The following ZP3 variants were observed in gnomAD, a reference collection of about 807,000 sequenced individuals.
ZP3 encodes the protein zona pellucida glycoprotein 3, also known as zona pellucida sperm-binding protein 3.
In ZP3, 21 loss-of-function variants were observed where a neutral mutation model predicts 35.6. That is an observed-to-expected ratio of 0.59 (90% CI 0.42 to 0.85). The LOEUF is 0.85. ZP3 is among the 40% of genes least tolerant of loss of function. ZP3 has a pLI of 0.00. For synonymous variants in ZP3, 207 were observed against 214.5 expected (o/e 0.96, Z 0.31); for missense variants, 437 against 536.5 (o/e 0.81, Z 1.83).
At chr7:76,404,116 C>T (rs1346260912) in intron 1 of ZP3, among the ~76,000 whole-genome samples, 3 of 152,150 alleles carry the variant, frequency 2.0e-5, no homozygotes, top group Admixed American at 1.3e-4. Context: ...TTACCTGTCA[C>T]CTCCAGTACT....
In ZP3 at chr7:76,440,495, C is replaced by G; in HGVS notation, c.944C>G (p.Ser315Trp). Reference protein sequence around the residue: ...PSNSWFPVEGSADICQCCNKG... With the variant: ...PSNSWFPVEGWADICQCCNKG... ...CTCAGCTGGTTCCCAGTGGAAGGCT[C>G]GGCTGACATCTGTCAATGCTGTAAC... The change falls in exon 7 of 8, where the codon TCG becomes TGG. Residue 315 changes from serine (S) to tryptophan (W), a missense_variant. Ser to Trp is a radical substitution (Grantham distance 177). Around this residue, in one of 6 missense-constraint regions of ZP3, gnomAD observed 41 missense variants for 50.2 expected, o/e 0.82. Coordinates refer to ENST00000394857, the MANE Select transcript of ZP3 (RefSeq NM_001110354.2). 6.2e-7 allele frequency: 1 copy of G among 1,613,762 alleles called. No individual in the cohort carries two copies. The highest frequency in any genetic ancestry group is 8.5e-7 in the Non-Finnish European group (1 of 1,179,944).
At chr7:76,437,334 C>G (rs1346953320) in intron 5 of ZP3, among the ~76,000 whole-genome samples, 1 of 152,184 alleles carries the variant, frequency 6.6e-6, no homozygotes. Context: ...AATCACCACG[C>G]CTGGCTAATT....
intron 1 of ZP3, among the ~76,000 whole-genome samples, chr7:76,415,314 C>T (rs1301751553): frequency 1.5e-5 from 2 of 133,244 alleles, no homozygotes; most frequent in Non-Finnish European, 3.1e-5. Flanking sequence ...TTCAGTGAGC[C>T]GAGATCGCGC....
At chr7:76,421,790 C>A (rs867612535), upstream of ZP3, among the ~76,000 whole-genome samples, 1 of 151,902 alleles carries the variant, frequency 6.6e-6, no homozygotes, top group Non-Finnish European at 1.5e-5. Context: ...TCTTCCTCCT[C>A]TCTTGCAGGA....
At chr7:76,440,021 ATTT>A (rs1470800540) in intron 5 of ZP3, 1 of 515,628 alleles carries the variant, frequency 1.9e-6, no homozygotes, top group Admixed American at 3.3e-5. Context: ...CTAACTTTGT[ATTT>A]TTAGTAGCGA....
chr7:76,441,048 G>A (rs1236291752), intron 7 of ZP3, among the ~76,000 whole-genome samples: 5 of 150,992 alleles, frequency 3.3e-5, no homozygotes, highest in East Asian at 2.0e-4. Flanking sequence ...GTACATGCCT[G>A]TAATCCCAGC....
At position 76,400,362 on chromosome 7, in the gene ZP3, C is replaced by T. The variant is rs149419007; in HGVS notation, c.-67+2565C>T. 9.6e-5 allele frequency: 152 copies of T among 1,582,226 alleles called. 1 individual carries two copies. The African/African-American group carries it at 1.4e-3, about 14-fold the overall frequency. On this transcript the variant is annotated intron_variant, in intron 1 of 8. Coordinates refer to the ZP3 transcript ENST00000336517. ...AGCCGCGGCTGCCGCACTCGCTCAG[C>T]GCAGCTTCCTGCCCGCGGCACTCCA...
chr7:76,412,011 A>T (rs889638731), intron 1 of ZP3, among the ~76,000 whole-genome samples: 1 of 151,922 alleles, frequency 6.6e-6, no homozygotes, highest in Non-Finnish European at 1.5e-5. Context: ...TGGGAAACAC[A>T]GTGAGACTCC....
intron 1 of ZP3, among the ~76,000 whole-genome samples, chr7:76,426,561 G>T (rs144923043): frequency 0.012 from 1,890 of 152,232 alleles, 41 homozygotes; most frequent in African/African-American, 0.044. Flanking sequence ...GGAGGCCAGA[G>T]AGCTGCAGGA....
intron 1 of ZP3, among the ~76,000 whole-genome samples, chr7:76,399,604 G>A (rs1232099830): frequency 6.6e-6 from 1 of 151,274 alleles, no homozygotes; most frequent in Non-Finnish European, 1.5e-5. Flanking sequence ...TCACAATCAC[G>A]GCTCACTGCA....
At chr7:76,422,116 C>T (rs989538250), upstream of ZP3, among the ~76,000 whole-genome samples, 2 of 151,964 alleles carry the variant, frequency 1.3e-5, no homozygotes, top group African/African-American at 2.4e-5. Context: ...AGGCTGGTCT[C>T]GATCTCCTGA....
At chr7:76,428,242 A>C (rs1805727657) in intron 1 of ZP3, among the ~76,000 whole-genome samples, 1 of 151,784 alleles carries the variant, frequency 6.6e-6, no homozygotes, top group South Asian at 2.1e-4. Context: ...AATTGCTTGA[A>C]CCTGGGAGGC....
chr7:76,416,523 A>AT (rs993272313), intron 1 of ZP3, among the ~76,000 whole-genome samples: 1 of 151,030 alleles, frequency 6.6e-6, no homozygotes, highest in African/African-American at 2.4e-5. Context: ...AATTTTATAT[A>AT]TTAGTCAGGC....
chr7:76,434,859 ATTC>A (rs1465203595), intron 5 of ZP3, among the ~76,000 whole-genome samples: 1 of 150,094 alleles, frequency 6.7e-6, no homozygotes, highest in East Asian at 2.0e-4. Context: ...TAGAATCTGC[ATTC>A]TTAAGTGTTG....
intron 1 of ZP3, chr7:76,400,344 G>A: frequency 6.5e-7 from 1 of 1,528,134 alleles, no homozygotes; most frequent in Non-Finnish European, 8.8e-7. Flanking sequence ...CCCAGCCGCG[G>A]CTGCCGCACT....
At chr7:76,397,649 T>C (rs904890104) in exon 1 of ZP3, 3 of 1,613,648 alleles carry the variant, frequency 1.9e-6, no homozygotes, top group Admixed American at 3.3e-5. Context: ...TCCGGTGCCA[T>C]AGCCGAAGAA....
chr7:76,435,870 G>A lies in ZP3; in HGVS notation c.831+1715G>A, dbSNP rs546189136. 5.3e-5 allele frequency among the ~76,000 whole-genome samples: 8 copies of A among 151,498 alleles called. No homozygotes were observed. The East Asian group carries it at 1.4e-3, about 26-fold the overall frequency. The stretch of plus-strand genomic sequence containing the variant: ...CTCCTGAGTAGCTGGGATTGTAGGC[G>A]CCTGCCACCATGCCCGGCTAATCCT... On this transcript the variant is annotated intron_variant, in intron 5 of 7. Coordinates refer to ENST00000394857, the MANE Select transcript of ZP3 (RefSeq NM_001110354.2).
chr7:76,399,604 G>T (rs1232099830), intron 1 of ZP3, among the ~76,000 whole-genome samples: 1 of 151,274 alleles, frequency 6.6e-6, no homozygotes, highest in East Asian at 2.0e-4. Flanking sequence ...TCACAATCAC[G>T]GCTCACTGCA....
upstream of ZP3, among the ~76,000 whole-genome samples, chr7:76,423,244 A>G (rs1021029805): frequency 4.0e-5 from 6 of 151,490 alleles, no homozygotes; most frequent in South Asian, 2.1e-4. Flanking sequence ...AGAGAGAGAG[A>G]GGGAAAGATA....
Sources: gnomAD v4.1 joint callset for allele counts (sites outside exome capture counted in the v4.1 genomes callset) on GRCh38, gnomAD v4.1.1 for gene constraint, gnomAD v4.1.1 regional missense constraint, MANE v1.5 for transcripts, NCBI Gene and HGNC (gene_info 2026-07-23, HGNC 2026-07-21) for gene names.